Variants in VGLL4 observed in about 807,000 individuals in gnomAD.
The protein encoded by VGLL4 is vestigial like family member 4, also known as transcription cofactor vestigial-like protein 4.
A neutral mutation model predicts 21.0 loss-of-function variants in VGLL4; 7 were observed. The observed-to-expected ratio is 0.33, with a 90% CI of 0.19 to 0.63. VGLL4 has a LOEUF of 0.63. Ranked by LOEUF, VGLL4 falls within the 20% of genes least tolerant of loss-of-function variation. The pLI, the probability that VGLL4 is intolerant of heterozygous loss-of-function variation, is 0.78. For synonymous variants in VGLL4, 222 were observed against 173.2 expected (o/e 1.28, Z -2.21); for missense variants, 394 against 425.7 (o/e 0.93, Z 0.66).
At chr3:11,703,378 A>C (rs924714774) in intron 1 of VGLL4, among the ~76,000 whole-genome samples, 1 of 152,240 alleles carries the variant, frequency 6.6e-6, no homozygotes, top group Non-Finnish European at 1.5e-5. Flanking sequence ...CATGCCCAAT[A>C]AAAGAAAGGT....
intron 2 of VGLL4, among the ~76,000 whole-genome samples, chr3:11,674,011 CAAAAAAAAAAAAAAAA>C (rs11293628): frequency 3.5e-5 from 2 of 56,878 alleles, no homozygotes; most frequent in African/African-American, 7.2e-5. Context: ...GACTTTGTCT[CAAAAAAAAAAAAAAAA>C]AAAAAAAAAA....
At chr3:11,596,455 C>A (rs2074642680) in intron 2 of VGLL4, among the ~76,000 whole-genome samples, 1 of 152,182 alleles carries the variant, frequency 6.6e-6, no homozygotes, top group Non-Finnish European at 1.5e-5. Context: ...AAGTGCACTG[C>A]AGGAGTGGAC....
At chr3:11,633,360 C>A (rs971999872) in intron 1 of VGLL4, 4 of 152,216 alleles carry the variant, frequency 2.6e-5, no homozygotes, top group Non-Finnish European at 5.9e-5. Context: ...AATACAAACA[C>A]CTAATCCCTC....
intron 1 of VGLL4, among the ~76,000 whole-genome samples, chr3:11,634,416 C>T (rs1039148146): frequency 9.9e-5 from 15 of 152,190 alleles, no homozygotes; most frequent in African/African-American, 3.6e-4. Flanking sequence ...TCCTCTGTGG[C>T]CACCGTCAGA....
At chr3:11,572,534 C>G (rs2073817646) in intron 2 of VGLL4, among the ~76,000 whole-genome samples, 1 of 152,176 alleles carries the variant, frequency 6.6e-6, no homozygotes, top group Admixed American at 6.5e-5. Flanking sequence ...CTCCTCAGTC[C>G]CATTCCCCTC....
chr3:11,559,967 A>G (rs773604445), intron 3 of VGLL4, among the ~76,000 whole-genome samples: 3 of 152,114 alleles, frequency 2.0e-5, no homozygotes, highest in Non-Finnish European at 4.4e-5. Context: ...CGGGACAGAG[A>G]GGAAATGGAG....
At position 11,571,872 on chromosome 3, in the gene VGLL4, C is replaced by T. The variant is rs566068832; in HGVS notation, c.273-6853G>A. ...CTGTAATCTCATCACTTTGGGAGGC[C>T]GAGGCCGGCAGATGGCTTTAGCCTA... On this transcript the variant is annotated intron_variant, in intron 2 of 4. Coordinates refer to ENST00000430365, the MANE Select transcript of VGLL4 (RefSeq NM_001128219.3). Among the ~76,000 whole-genome samples, 52 of 152,150 alleles carry T rather than the reference C, an allele frequency of 3.4e-4. 1 individual carries two copies. Among genetic ancestry groups the T allele is most frequent in the African/African-American group, 1.1e-3 (47 of 41,498 alleles).
rs59999510 is a variant in VGLL4, at chr3:11,665,101, CTTTTTTTTTTTT to C, written c.64+37858_64+37869del. 5.2e-5 allele frequency among the ~76,000 whole-genome samples: 5 copies of C among 96,950 alleles called. 1 individual carries two copies. The highest frequency in any genetic ancestry group is 2.3e-4 in the Admixed American group (2 of 8,612). The allele number at this position is 96,950 out of a possible 152,430, so 63.6% of individuals were successfully genotyped here. A position where few individuals can be genotyped will look rare whatever the true frequency, so the allele number is the denominator to read the frequency against. ...AAATGAAAGCAATTTGAATATTTTT[CTTTTTTTTTTTT>C]TTTTTTTTTTTTTTTTTTGAGACGG... On this transcript the variant is annotated intron_variant, in intron 2 of 5. Transcript: ENST00000273038.
chr3:11,678,384 A>G (rs2076324288), intron 2 of VGLL4, among the ~76,000 whole-genome samples: 1 of 152,204 alleles, frequency 6.6e-6, no homozygotes, highest in African/African-American at 2.4e-5. Flanking sequence ...TTCACACCAC[A>G]TAAAATGCCT....
At chr3:11,642,042 A>C (rs1468839714) in intron 1 of VGLL4, among the ~76,000 whole-genome samples, 1 of 149,490 alleles carries the variant, frequency 6.7e-6, no homozygotes, top group African/African-American at 2.5e-5. Flanking sequence ...AAAAACAAGA[A>C]AAACAAAACC....
At position 11,643,297 on chromosome 3, in the gene VGLL4, C is replaced by G. The variant is rs972632883; in HGVS notation, c.82+140G>C. ...GATCCGAACACACTCGGTGCCGAAC[C>G]GAACCTAAGAAACGCCGGCCTTTCA... On this transcript the variant is annotated intron_variant, in intron 1 of 4. Transcript: ENST00000430365. 33 of 1,339,130 alleles carry G rather than the reference C, an allele frequency of 2.5e-5. 1 individual carries two copies. Among genetic ancestry groups the G allele is most frequent in the Non-Finnish European group, 3.1e-5 (30 of 966,700 alleles). The allele number at this position is 1,339,130 out of a possible 1,614,324, so 83.0% of individuals were successfully genotyped here.
chr3:11,686,324 C>T (rs919882697), intron 2 of VGLL4, among the ~76,000 whole-genome samples: 1 of 152,128 alleles, frequency 6.6e-6, no homozygotes, highest in African/African-American at 2.4e-5. Context: ...AATATTATTT[C>T]GTCCTAAAAA....
intron 2 of VGLL4, among the ~76,000 whole-genome samples, chr3:11,576,859 G>A (rs1355927012): frequency 6.6e-6 from 1 of 152,234 alleles, no homozygotes; most frequent in African/African-American, 2.4e-5. Context: ...ACCAACTCAA[G>A]ACTAGGAGAG....
chr3:11,560,762 G>A (rs538027249), intron 3 of VGLL4, among the ~76,000 whole-genome samples: 26 of 152,260 alleles, frequency 1.7e-4, no homozygotes, highest in African/African-American at 5.5e-4. Flanking sequence ...ACTTAGCAGC[G>A]GGACAGAGCT....
chr3:11,641,682 CCAAA>C (rs546876204), intron 1 of VGLL4, among the ~76,000 whole-genome samples: 211 of 152,252 alleles, frequency 1.4e-3, no homozygotes, highest in African/African-American at 4.7e-3. Context: ...GATGTTTAAA[CCAAA>C]CAGACTTCAG....
At chr3:11,643,985 T>C (rs11920437), upstream of VGLL4, 4,661 of 990,246 alleles carry the variant, frequency 4.7e-3, 149 homozygotes, top group African/African-American at 0.072. Context: ...TGCGCCGCGC[T>C]GCCGAGGCAG....
intron 2 of VGLL4, among the ~76,000 whole-genome samples, chr3:11,594,599 C>T (rs139068112): frequency 6.6e-5 from 10 of 152,336 alleles, no homozygotes; most frequent in African/African-American, 2.2e-4. Context: ...ATGACTCTCA[C>T]AACCGATATG....
Position 11,558,554 on chromosome 3 carries a change from C to T in VGLL4, c.*2G>A. On this transcript the variant is annotated 3_prime_UTR_variant, in exon 5 of 5. Transcript: ENST00000430365. ...CACGTGTTGTTGGAGGAGGCGCTCCCTTCAGGAGACCACAGAGGGGGAGTG... is the reference window on the plus strand; with the variant it reads ...CACGTGTTGTTGGAGGAGGCGCTCCTTTCAGGAGACCACAGAGGGGGAGTG... 6.2e-7 allele frequency: 1 copy of T among 1,600,670 alleles called. No homozygotes were observed. The highest frequency in any genetic ancestry group is 8.5e-7 in the Non-Finnish European group (1 of 1,179,784).
In VGLL4 at chr3:11,568,474, C is replaced by T. The variant is rs1248102647; in HGVS notation, c.273-3455G>A. On this transcript the variant is annotated intron_variant, in intron 2 of 4. Coordinates refer to ENST00000430365, the MANE Select transcript of VGLL4 (RefSeq NM_001128219.3). The surrounding 1 kb of genome is among the most constrained non-coding windows in gnomAD (Gnocchi z 5.9). ...AGCAGGGAGAAGGGGACTTCCAGGC[C>T]CACTAACTGGAAAGACAGTCCGTGG... is the stretch of plus-strand genomic sequence containing the variant. 7.7e-7 allele frequency: 1 copy of T among 1,296,692 alleles called. No individual in the cohort carries two copies. Among genetic ancestry groups the T allele is most frequent in the Non-Finnish European group, 1.1e-6 (1 of 926,494 alleles). The allele number at this position is 1,296,692 out of a possible 1,614,324, so 80.3% of individuals were successfully genotyped here.
Sources: allele counts gnomAD v4.1 joint callset (sites outside exome capture counted in the v4.1 genomes callset), GRCh38; gene constraint gnomAD v4.1.1; non-coding constraint Gnocchi (gnomAD v3.1); transcripts MANE v1.5; gene names NCBI Gene and HGNC (gene_info 2026-07-23, HGNC 2026-07-21).